Variants in EQTN observed in about 807,000 individuals in gnomAD.
The protein encoded by EQTN is Acrosome formation associated factor.
In EQTN, 29 loss-of-function variants were observed where a neutral mutation model predicts 26.9. The ratio of observed to expected loss-of-function variants is 1.08; its 90% CI spans 0.80 to 1.47. The LOEUF (loss-of-function observed/expected upper bound fraction) is 1.47. Ranked by LOEUF, EQTN falls within the 40% of genes most tolerant of loss-of-function variation. The pLI is 0.00. For synonymous variants in EQTN, 129 were observed against 120.0 expected, an observed-to-expected ratio of 1.07 and a Z score of -0.49; for missense variants, 391 against 346.1, an observed-to-expected ratio of 1.13 and a Z score of -1.03.
intron 6 of EQTN, among the ~76,000 whole-genome samples, chr9:27,288,872 T>C (rs1032305271): frequency 7.9e-5 from 12 of 152,108 alleles, no homozygotes; most frequent in African/African-American, 2.9e-4. Flanking sequence ...AACAAAGGGA[T>C]GAATTGATGG....
intron 7 of EQTN, among the ~76,000 whole-genome samples, chr9:27,285,587 G>T (rs947696426): frequency 6.6e-6 from 1 of 152,208 alleles, no homozygotes; most frequent in Non-Finnish European, 1.5e-5. Flanking sequence ...GAAATTGAAT[G>T]ATGGGGAATA....
intron 4 of EQTN, 74 bp from the exon 5 acceptor site, chr9:27,291,137 A>G: frequency 7.5e-7 from 1 of 1,340,042 alleles, no homozygotes; most frequent in South Asian, 1.3e-5. Context: ...AGTTTGAGGA[A>G]CATTCGTTTG....
At chr9:27,296,835 C>T in intron 1 of EQTN, 97 bp from the exon 2 acceptor site, 1 of 1,563,984 alleles carries the variant, frequency 6.4e-7, no homozygotes, top group Non-Finnish European at 8.6e-7. Flanking sequence ...GGATTAGAGG[C>T]AGAGATTTAA....
chr9:27,290,704 T>A (rs960829878), intron 5 of EQTN, among the ~76,000 whole-genome samples: 2 of 152,372 alleles, frequency 1.3e-5, no homozygotes, highest in Non-Finnish European at 2.9e-5. Flanking sequence ...TGCATCTGTG[T>A]GCTTTTGCAT....
At chr9:27,292,697 A>G (rs1167118052) in intron 3 of EQTN, among the ~76,000 whole-genome samples, 3 of 152,184 alleles carry the variant, frequency 2.0e-5, no homozygotes, top group Non-Finnish European at 4.4e-5. Flanking sequence ...GGGGTGTCTG[A>G]GGTGGGATTA....
At chr9:27,293,476 C>T (rs1820278409) in intron 3 of EQTN, among the ~76,000 whole-genome samples, 1 of 152,178 alleles carries the variant, frequency 6.6e-6, no homozygotes, top group Non-Finnish European at 1.5e-5. Flanking sequence ...ACCATGCCAG[C>T]AGGTCTCCTT....
chr9:27,287,099 A>G (rs1462633021), intron 6 of EQTN, among the ~76,000 whole-genome samples: 1 of 152,168 alleles, frequency 6.6e-6, no homozygotes, highest in Non-Finnish European at 1.5e-5. Context: ...GACTTAATAA[A>G]CATTTAATGA....
chr9:27,287,079 A>G (rs1386022465), intron 6 of EQTN, among the ~76,000 whole-genome samples: 1 of 152,162 alleles, frequency 6.6e-6, no homozygotes, highest in African/African-American at 2.4e-5. Flanking sequence ...ATTTTCCTGA[A>G]TATATATCTG....
chr9:27,297,070 G>A lies in EQTN; in HGVS notation c.-15C>T. The A allele has an allele frequency of 1.9e-6, 3 of 1,575,398 alleles. No individual in the cohort carries two copies. The South Asian group carries it at 3.4e-5, about 18-fold the overall frequency. On this transcript the variant is annotated 5_prime_UTR_variant, in exon 1 of 8. Coordinates refer to ENST00000380032, the MANE Select transcript of EQTN (RefSeq NM_020641.3). ...ATAAAATTCATTGGGAAATTGAAGTGATTTATCCAGTAATCTAGTGCGTCT... is the reference window on the plus strand; with the variant it reads ...ATAAAATTCATTGGGAAATTGAAGTAATTTATCCAGTAATCTAGTGCGTCT...
intron 2 of EQTN, among the ~76,000 whole-genome samples, chr9:27,295,597 G>A (rs1202033578): frequency 1.3e-5 from 2 of 152,272 alleles, no homozygotes; most frequent in South Asian, 2.1e-4. Context: ...ACTTTGGGAG[G>A]CCGAGGCGGG....
chr9:27,288,626 C>G (rs1025044403), intron 6 of EQTN, among the ~76,000 whole-genome samples: 3 of 152,212 alleles, frequency 2.0e-5, no homozygotes, highest in African/African-American at 7.2e-5. Context: ...AGATGTCATT[C>G]AGTAGAAGAA....
intron 5 of EQTN, 30 bp downstream of exon 5, chr9:27,290,989 T>G: frequency 6.2e-7 from 1 of 1,603,612 alleles, no homozygotes. Flanking sequence ...ACCAAAATGT[T>G]TCCCAAGCTA....
At chr9:27,292,754 G>C (rs1034031957) in intron 3 of EQTN, among the ~76,000 whole-genome samples, 3 of 152,090 alleles carry the variant, frequency 2.0e-5, no homozygotes, top group African/African-American at 7.2e-5. Flanking sequence ...ATGCGGCCCC[G>C]GGCTTTCTTC....
rs1326724845 is a variant in EQTN, at chr9:27,286,299, A to G, written c.545T>C (p.Ile182Thr). Residue 182 changes from isoleucine to threonine, a missense_variant, in exon 7 of 8, where the codon ATA (isoleucine) becomes ACA (threonine). Coordinates refer to ENST00000380032, the MANE Select transcript of EQTN (RefSeq NM_020641.3). The part of the protein sequence containing the change: ...QPDLEDLKIK[I>T]MLGISLMTLL... ...GGTCATCAACGAGATTCCCAGCATT[A>G]TTTTGATCTTCAGATCCTCTAGATC... 6 of 1,611,234 alleles carry G rather than the reference A, an allele frequency of 3.7e-6. No homozygotes were observed. The highest frequency in any genetic ancestry group is 5.1e-6 in the Non-Finnish European group (6 of 1,178,632).
intron 2 of EQTN, among the ~76,000 whole-genome samples, chr9:27,294,691 T>C (rs1285447936): frequency 6.6e-6 from 1 of 152,146 alleles, no homozygotes; most frequent in Non-Finnish European, 1.5e-5. Context: ...GGTGCTGAAG[T>C]AGATTTGTAG....
intron 7 of EQTN, 57 bp from the exon 8 acceptor site, chr9:27,285,029 T>A: frequency 1.3e-6 from 2 of 1,503,564 alleles, no homozygotes; most frequent in Admixed American, 4.1e-5. Context: ...CATTTGTAAC[T>A]CAGCTTAGAA....
chr9:27,292,582 G>T (rs1820259726), intron 3 of EQTN, 95 bp from the exon 4 acceptor site: 1 of 646,318 alleles, frequency 1.5e-6, no homozygotes, highest in African/African-American at 1.9e-5. Context: ...GGATATTATG[G>T]AACAAAGAAA....
intron 6 of EQTN, 60 bp from the exon 7 acceptor site, chr9:27,286,422 A>G (rs1044108829): frequency 2.0e-6 from 3 of 1,492,304 alleles, no homozygotes; most frequent in Non-Finnish European, 9.1e-7. Context: ...CTGAAGGAGT[A>G]AAGATTGCAA....
intron 6 of EQTN, 94 bp downstream of exon 6, chr9:27,289,578 G>A (rs1047414637): frequency 6.9e-6 from 7 of 1,019,342 alleles, no homozygotes; most frequent in Middle Eastern, 2.5e-4. Flanking sequence ...TCGAACTCCT[G>A]GACTCAAGCG....
Sources: allele counts gnomAD v4.1 joint callset (sites outside exome capture counted in the v4.1 genomes callset), GRCh38; gene constraint gnomAD v4.1.1; transcripts MANE v1.5; gene names NCBI Gene and HGNC (gene_info 2026-07-23, HGNC 2026-07-21).